The following SLMAP variants were observed in gnomAD, a reference collection of about 807,000 sequenced individuals.
SLMAP encodes the protein sarcolemmal membrane-associated protein.
In SLMAP, 44 loss-of-function variants were observed where a neutral mutation model predicts 128.8. The ratio of observed to expected loss-of-function variants is 0.34; its 90% CI spans 0.27 to 0.44. The LOEUF is 0.44. Among genes scored for constraint, SLMAP ranks in the 20% least tolerant of loss-of-function variants. The pLI, the probability that SLMAP is intolerant of heterozygous loss-of-function variation, is 1.00. For missense variants in SLMAP, 787 were observed against 985.3 expected, an observed-to-expected ratio of 0.80 and a Z score of 2.69; for synonymous variants, 327 against 348.8, an observed-to-expected ratio of 0.94 and a Z score of 0.70.
chr3:57,856,381 ATT>A (rs1420092154), intron 6 of SLMAP, among the ~76,000 whole-genome samples: 1 of 152,180 alleles, frequency 6.6e-6, no homozygotes, highest in Non-Finnish European at 1.5e-5. Context: ...GTTCAAAAAT[ATT>A]GTTTCTATTC....
intron 2 of SLMAP, among the ~76,000 whole-genome samples, chr3:57,816,311 T>G (rs746572707): frequency 2.6e-5 from 4 of 152,062 alleles, no homozygotes; most frequent in Non-Finnish European, 5.9e-5. Flanking sequence ...ACCTGGCTAA[T>G]TTTTGTATTT....
At chr3:57,895,134 A>T (rs1181068854) in intron 15 of SLMAP, among the ~76,000 whole-genome samples, 1 of 151,894 alleles carries the variant, frequency 6.6e-6, no homozygotes, top group Non-Finnish European at 1.5e-5. Flanking sequence ...AAAAAAAAAA[A>T]AGAAAGGAAT....
intron 3 of SLMAP, among the ~76,000 whole-genome samples, chr3:57,838,088 T>A (rs1356684906): frequency 6.6e-6 from 1 of 152,238 alleles, no homozygotes; most frequent in Non-Finnish European, 1.5e-5. Flanking sequence ...ACAGAATTAC[T>A]GATGTTGTAT....
chr3:57,762,033 G>C (rs1188242288), intron 2 of SLMAP, among the ~76,000 whole-genome samples: 1 of 134,478 alleles, frequency 7.4e-6, no homozygotes, highest in Non-Finnish European at 1.6e-5. Flanking sequence ...CGGCCTGGGC[G>C]ACAGAGCGAG....
chr3:57,807,017 A>T (rs2090019254), intron 2 of SLMAP, among the ~76,000 whole-genome samples: 1 of 152,126 alleles, frequency 6.6e-6, no homozygotes, highest in Non-Finnish European at 1.5e-5. Context: ...CCACAGCCTC[A>T]CCAGCATCTG....
chr3:57,840,766 T>G, intron 3 of SLMAP, among the ~76,000 whole-genome samples: 1 of 152,226 alleles, frequency 6.6e-6, no homozygotes, highest in East Asian at 1.9e-4. Flanking sequence ...ATTCTGATAC[T>G]TAATAGCAGA....
chr3:57,787,848 T>C (rs1464426617), intron 2 of SLMAP, among the ~76,000 whole-genome samples: 2 of 152,216 alleles, frequency 1.3e-5, no homozygotes, highest in Non-Finnish European at 2.9e-5. Context: ...GTGAAAGATA[T>C]GATCCTTGCT....
chr3:57,799,725 G>A (rs1181495204), intron 2 of SLMAP, among the ~76,000 whole-genome samples: 1 of 152,016 alleles, frequency 6.6e-6, no homozygotes, highest in Non-Finnish European at 1.5e-5. Context: ...TTGCACCACT[G>A]GACCTTTGGA....
At position 57,909,144 on chromosome 3, in the gene SLMAP, C is replaced by T. The variant is rs1443973202; in HGVS notation, c.1693C>T (p.Leu565Phe). 2 of 1,603,890 alleles carry T rather than the reference C, an allele frequency of 1.2e-6. No individual in the cohort carries two copies. Among genetic ancestry groups the T allele is most frequent in the Non-Finnish European group, 8.5e-7 (1 of 1,173,020 alleles). The change falls in exon 19 of 25, where the codon CTT (leucine) becomes TTT (phenylalanine). Residue 565 changes from leucine to phenylalanine, a missense_variant. By Grantham distance (22) the Leu-to-Phe change is conservative. Transcript: ENST00000671191. ...VEESTKQIQV[L>F]QAQLQRLHID... ...GGAATCCACTAAACAAATACAGGTT[C>T]TTCAAGGTATGGAAGACCCCAAGGC... is the stretch of plus-strand genomic sequence containing the variant.
chr3:57,880,777 C>T (rs373748858), intron 14 of SLMAP, among the ~76,000 whole-genome samples: 1 of 151,878 alleles, frequency 6.6e-6, no homozygotes, highest in African/African-American at 2.4e-5. Context: ...CATACCTGCC[C>T]GGGAGGCTGA....
chr3:57,850,959 T>C (rs1020629643), intron 6 of SLMAP, among the ~76,000 whole-genome samples: 7 of 152,170 alleles, frequency 4.6e-5, no homozygotes, highest in African/African-American at 1.4e-4. Context: ...AAATAAAAAA[T>C]AACTGGGAGA....
At chr3:57,923,372 A>G (rs73090314) in intron 23 of SLMAP, among the ~76,000 whole-genome samples, 1 of 152,100 alleles carries the variant, frequency 6.6e-6, no homozygotes, top group African/African-American at 2.4e-5. Context: ...GAAGCATTGT[A>G]CCACCAGGGA....
intron 6 of SLMAP, among the ~76,000 whole-genome samples, chr3:57,851,376 T>G (rs2094493221): frequency 6.6e-6 from 1 of 151,746 alleles, no homozygotes; most frequent in African/African-American, 2.4e-5. Context: ...TTCTGGTTTT[T>G]GTGGGTTTGG....
At chr3:57,813,735 G>C (rs1487588183) in intron 2 of SLMAP, among the ~76,000 whole-genome samples, 20 of 152,084 alleles carry the variant, frequency 1.3e-4, no homozygotes, top group Admixed American at 1.3e-3. Context: ...TTTTATAAAA[G>C]GGTCTTGAAT....
At chr3:57,901,995 C>G (rs1025022199) in intron 17 of SLMAP, 22 of 152,010 alleles carry the variant, frequency 1.4e-4, no homozygotes, top group African/African-American at 4.4e-4. Context: ...ATCATGCCAC[C>G]ACACTCCAGC....
chr3:57,847,179 C>A lies in SLMAP; in HGVS notation c.420-18C>A, dbSNP rs112199469. 2.5e-6 allele frequency: 4 copies of A among 1,572,148 alleles called. No individual in the cohort carries two copies. The South Asian group carries it at 3.4e-5, about 14-fold the overall frequency. On this transcript the variant is annotated intron_variant, in intron 4 of 24. Coordinates refer to ENST00000671191, the MANE Select transcript of SLMAP (RefSeq NM_001377540.1). Reference sequence around the variant, plus strand: ...ATTGTCCGGATATTAGATAAAACTTCTAAATTTTACTTTTCAGTGTCATCC... The same window carrying A: ...ATTGTCCGGATATTAGATAAAACTTATAAATTTTACTTTTCAGTGTCATCC...
intron 2 of SLMAP, among the ~76,000 whole-genome samples, chr3:57,776,223 G>A (rs1221121516): frequency 6.6e-6 from 1 of 152,120 alleles, no homozygotes; most frequent in African/African-American, 2.4e-5. Context: ...GTTATTAAGT[G>A]CTGTAGGTAC....
intron 8 of SLMAP, among the ~76,000 whole-genome samples, chr3:57,858,520 T>C (rs2094896422): frequency 1.3e-5 from 2 of 152,212 alleles, no homozygotes; most frequent in Admixed American, 1.3e-4. Flanking sequence ...AGTTTTTCTT[T>C]TTGTCAACAA....
rs553711662 is a variant in SLMAP at position 57,831,148 on chromosome 3, T to C, written c.199-235T>C. 2.8e-4 allele frequency among the ~76,000 whole-genome samples: 42 copies of C among 152,226 alleles called. No individual in the cohort carries two copies. The South Asian group carries it at 8.9e-3, about 32-fold the overall frequency. On this transcript the variant is annotated intron_variant, in intron 2 of 24. Transcript: ENST00000671191. ...TTAACATTTTGAGGACCTGACAAAC[T>C]CTTTTTCCAAAGAGGTTGTACCGTT...
Sources: gnomAD v4.1 joint callset for allele counts (sites outside exome capture counted in the v4.1 genomes callset) on GRCh38, gnomAD v4.1.1 for gene constraint, MANE v1.5 for transcripts, NCBI Gene and HGNC (gene_info 2026-07-23, HGNC 2026-07-21) for gene names.